The following ZC3H12C variants were observed in gnomAD, a reference collection of about 807,000 sequenced individuals.
ZC3H12C encodes the protein zinc finger CCCH-type containing 12C.
A neutral mutation model predicts 76.3 loss-of-function variants in ZC3H12C; 20 were observed. That is an observed-to-expected ratio of 0.26 (90% CI 0.18 to 0.38). The LOEUF is 0.38. Ranked by LOEUF, ZC3H12C falls within the 10% of genes least tolerant of loss-of-function variation. ZC3H12C has a pLI of 1.00. For synonymous variants in ZC3H12C, 352 were observed against 399.6 expected (o/e 0.88, Z 1.42); for missense variants, 874 against 1,086.5 (o/e 0.80, Z 2.75).
intron 1 of ZC3H12C, among the ~76,000 whole-genome samples, chr11:110,104,599 A>G (rs1861285099): frequency 6.6e-6 from 1 of 152,240 alleles, no homozygotes; most frequent in African/African-American, 2.4e-5. Flanking sequence ...GAAAGGCTAC[A>G]CAGTGTGGAG....
chr11:110,143,002 T>C (rs1049603436), intron 2 of ZC3H12C, among the ~76,000 whole-genome samples: 1 of 152,152 alleles, frequency 6.6e-6, no homozygotes, highest in Non-Finnish European at 1.5e-5. Flanking sequence ...TAGCATCCTG[T>C]GAATGAGATT....
At chr11:110,153,169 G>T in intron 3 of ZC3H12C, 111 bp downstream of exon 3, 1 of 1,327,720 alleles carries the variant, frequency 7.5e-7, no homozygotes. Context: ...CGCAGGCAGT[G>T]GGACACAAAC....
chr11:110,121,270 A>AT (rs1373100027), intron 1 of ZC3H12C, among the ~76,000 whole-genome samples: 1 of 152,200 alleles, frequency 6.6e-6, no homozygotes. Flanking sequence ...GCTATTATTG[A>AT]TTTAGCACAT....
intron 1 of ZC3H12C, among the ~76,000 whole-genome samples, chr11:110,126,077 T>C (rs977706368): frequency 6.6e-6 from 1 of 152,236 alleles, no homozygotes. Context: ...GAATAGTAAA[T>C]TGATATGCAT....
intron 1 of ZC3H12C, among the ~76,000 whole-genome samples, chr11:110,111,971 GCA>G (rs906014592): frequency 2.7e-5 from 2 of 75,052 alleles, no homozygotes; most frequent in South Asian, 3.3e-4. Context: ...ATGCACACGT[GCA>G]CACATGTACA....
At chr11:110,095,707 ACTGGGGAGTGC>A (rs1482036482) in intron 1 of ZC3H12C, among the ~76,000 whole-genome samples, 1 of 152,184 alleles carries the variant, frequency 6.6e-6, no homozygotes, top group Non-Finnish European at 1.5e-5. Context: ...AAATTCAGGT[ACTGGGGAGTGC>A]CTCAAAGGTA....
Position 110,137,334 on chromosome 11 carries a change from A to G in ZC3H12C, c.693A>G (p.Glu231=), listed in dbSNP as rs750121285. Residue 231 remains glutamate (E), a synonymous_variant, in exon 2 of 6, where the codon GAA becomes GAG. Coordinates refer to ENST00000278590, the MANE Select transcript of ZC3H12C (RefSeq NM_033390.2). ...ETSSLESQRS[E]SPMQEIVTDD... ...CTTCCCTGGAATCTCAGAGGTCTGA[A>G]TCTCCAATGCAAGAGATTGTAACAG... is the stretch of plus-strand genomic sequence containing the variant. The G allele has an allele frequency of 1.2e-6, 2 of 1,613,838 alleles. No homozygotes were observed. The highest frequency in any genetic ancestry group is 2.7e-5 in the African/African-American group (2 of 74,954).
At position 110,117,958 on chromosome 11, in the gene ZC3H12C, CATATATACACACACATATATATT is replaced by C. The variant is rs1565252434; in HGVS notation, c.22-18697_22-18675del. On this transcript the variant is annotated intron_variant, in intron 1 of 5. Transcript: ENST00000278590. ...CATATATATATTATATATACACACA[CATATATACACACACATATATATT>C]ATATATATACACACATATATATTAT... is the stretch of plus-strand genomic sequence containing the variant. 8.1e-4 allele frequency among the ~76,000 whole-genome samples: 67 copies of C among 82,766 alleles called. 2 individuals carry two copies. Among genetic ancestry groups the C allele is most frequent in the African/African-American group, 3.2e-3 (60 of 18,584 alleles). 54.3% of individuals were successfully genotyped at this position (82,766 alleles called of 152,430 possible). A position where few individuals can be genotyped will look rare whatever the true frequency, so the allele number is the denominator to read the frequency against.
chr11:110,148,364 C>A (rs920632907), intron 2 of ZC3H12C, among the ~76,000 whole-genome samples: 12 of 152,168 alleles, frequency 7.9e-5, no homozygotes, highest in Non-Finnish European at 1.0e-4. Context: ...GAGAGACCTA[C>A]TGACAATATT....
chr11:110,132,181 T>C (rs1861879072), intron 1 of ZC3H12C, among the ~76,000 whole-genome samples: 3 of 152,216 alleles, frequency 2.0e-5, no homozygotes, highest in Non-Finnish European at 1.5e-5. Flanking sequence ...TTAACAAGTT[T>C]ATGGTCTAAT....
chr11:110,096,459 T>G (rs1197614798), intron 1 of ZC3H12C, among the ~76,000 whole-genome samples: 1 of 152,240 alleles, frequency 6.6e-6, no homozygotes, highest in Non-Finnish European at 1.5e-5. Flanking sequence ...TTATCTCATT[T>G]AACCCTTGAA....
At chr11:110,121,267 T>C (rs1267161945) in intron 1 of ZC3H12C, among the ~76,000 whole-genome samples, 1 of 152,220 alleles carries the variant, frequency 6.6e-6, no homozygotes, top group African/African-American at 2.4e-5. Flanking sequence ...AAGGCTATTA[T>C]TGATTTAGCA....
At chr11:110,153,108 A>G (rs376748246) in intron 3 of ZC3H12C, 50 bp downstream of exon 3, 2 of 1,581,856 alleles carry the variant, frequency 1.3e-6, no homozygotes, top group African/African-American at 1.4e-5. Context: ...TATAATAACC[A>G]TGCAGGTGTC....
chr11:110,120,684 G>C (rs764516174), intron 1 of ZC3H12C, among the ~76,000 whole-genome samples: 8 of 152,170 alleles, frequency 5.3e-5, no homozygotes, highest in Non-Finnish European at 8.8e-5. Context: ...ATAAGTTTTA[G>C]CAAGTAGGCA....
rs1446558339 is a variant in ZC3H12C at position 110,117,933 on chromosome 11, CATAT to C, written c.22-18723_22-18720del. Among the ~76,000 whole-genome samples, 4 of 106,948 alleles carry C rather than the reference CATAT, an allele frequency of 3.7e-5. No homozygotes were observed. The South Asian group carries it at 8.4e-4, about 22-fold the overall frequency. The allele number at this position is 106,948 out of a possible 152,430, so 70.2% of individuals were successfully genotyped here. On this transcript the variant is annotated intron_variant, in intron 1 of 5. Coordinates refer to ENST00000278590, the MANE Select transcript of ZC3H12C (RefSeq NM_033390.2). ...TATATATTATATATATACACACACA[CATAT>C]ATATATTATATATACACACACATAT... is the stretch of plus-strand genomic sequence containing the variant.
rs1246343600 is a variant in ZC3H12C, at chr11:110,112,593, A to G, written c.21+19161A>G. Among the ~76,000 whole-genome samples the G allele has an allele frequency of 2.0e-5, 3 of 152,366 alleles. No individual in the cohort carries two copies. In the East Asian group the frequency reaches 5.8e-4, roughly 29 times the overall value. On this transcript the variant is annotated intron_variant, in intron 1 of 5. Coordinates refer to ENST00000278590, the MANE Select transcript of ZC3H12C (RefSeq NM_033390.2). ...GCAGCACTAAGCGCTGAGAAGGGTT[A>G]AAGAAGGACTAGAAAAGGAGGTAGA... is the stretch of plus-strand genomic sequence containing the variant.
At position 110,165,128 on chromosome 11, in the gene ZC3H12C, C is replaced by T. The variant is rs376308496; in HGVS notation, c.2043C>T (p.His681=). 4.5e-5 allele frequency: 72 copies of T among 1,613,788 alleles called. No individual in the cohort carries two copies. In the African/African-American group the frequency reaches 8.9e-4, roughly 20 times the overall value. The part of the protein sequence containing the change: ...LNPQPFLQNF[H]DPLTRGQSYS... The stretch of plus-strand genomic sequence containing the variant: ...CTCAACCGTTCCTGCAGAATTTCCA[C>T]GACCCCTTAACCAGAGGGCAAAGTT... Residue 681 remains histidine (H), a synonymous_variant, in exon 6 of 6, where the codon CAC becomes CAT. Transcript: ENST00000278590.
intron 1 of ZC3H12C, chr11:110,131,381 T>C (rs1861863393): frequency 2.6e-6 from 1 of 388,980 alleles, no homozygotes; most frequent in East Asian, 4.4e-5. Flanking sequence ...GAACTTAAAG[T>C]CAAGTTATAA....
intron 1 of ZC3H12C, among the ~76,000 whole-genome samples, chr11:110,111,951 G>C (rs1462371834): frequency 7.6e-6 from 1 of 131,476 alleles, no homozygotes; most frequent in African/African-American, 2.9e-5. Context: ...TTCAGTGCAT[G>C]TGCATGGTCA....
Sources: gnomAD v4.1 joint callset for allele counts (sites outside exome capture counted in the v4.1 genomes callset) on GRCh38, gnomAD v4.1.1 for gene constraint, MANE v1.5 for transcripts, NCBI Gene and HGNC (gene_info 2026-07-23, HGNC 2026-07-21) for gene names.